The following ROR2 variants were observed in gnomAD, a reference collection of about 807,000 sequenced individuals.
The protein encoded by ROR2 is tyrosine-protein kinase transmembrane receptor ROR2.
Under a neutral mutation model 74.9 loss-of-function variants are expected in ROR2, and 33 were observed. The ratio of observed to expected loss-of-function variants is 0.44; its 90% CI spans 0.33 to 0.59. The LOEUF is 0.59. Among genes scored for constraint, ROR2 ranks in the 20% least tolerant of loss-of-function variants. ROR2 has a pLI of 0.02. For missense variants in ROR2, 1,216 were observed against 1,313.8 expected (o/e 0.93, Z 1.15); for synonymous variants, 586 against 558.7 (o/e 1.05, Z -0.69).
intron 1 of ROR2, among the ~76,000 whole-genome samples, chr9:91,807,846 A>C (rs1286965828): frequency 6.6e-6 from 1 of 152,146 alleles, no homozygotes; most frequent in East Asian, 1.9e-4. Flanking sequence ...AGATCACTGT[A>C]CACTATGACA....
intron 1 of ROR2, among the ~76,000 whole-genome samples, chr9:91,939,969 A>C (rs1283044505): frequency 6.6e-6 from 1 of 152,148 alleles, no homozygotes; most frequent in Non-Finnish European, 1.5e-5. Flanking sequence ...CCCCACATTC[A>C]CCTGCACAAA....
chr9:91,768,808 C>T (rs1266253319), intron 2 of ROR2, among the ~76,000 whole-genome samples: 1 of 152,136 alleles, frequency 6.6e-6, no homozygotes, highest in African/African-American at 2.4e-5. Flanking sequence ...TTTGAAACCT[C>T]CTATTTGTGG....
intron 1 of ROR2, among the ~76,000 whole-genome samples, chr9:91,791,758 C>A (rs901698087): frequency 2.4e-5 from 3 of 125,708 alleles, no homozygotes; most frequent in Admixed American, 1.0e-4. Flanking sequence ...GAACACTCGA[C>A]CCAAGTGCAG....
At chr9:91,755,980 G>C (rs1329046456) in intron 4 of ROR2, 91 bp downstream of exon 4, 5 of 1,416,182 alleles carry the variant, frequency 3.5e-6, no homozygotes, top group African/African-American at 1.4e-5. Context: ...ATTCGGCAAA[G>C]ACATGAGCTG....
intron 1 of ROR2, among the ~76,000 whole-genome samples, chr9:91,826,017 C>T (rs1257611281): frequency 6.6e-6 from 1 of 152,218 alleles, no homozygotes; most frequent in Non-Finnish European, 1.5e-5. Context: ...GGCTTCGCCC[C>T]CCTGCCTGCT....
At chr9:91,811,987 C>A (rs1285153672) in intron 1 of ROR2, among the ~76,000 whole-genome samples, 1 of 150,940 alleles carries the variant, frequency 6.6e-6, no homozygotes, top group African/African-American at 2.4e-5. Flanking sequence ...TTGGGCCACA[C>A]TGGAAGAAGA....
chr9:91,933,389 A>G (rs1188828817), intron 1 of ROR2, among the ~76,000 whole-genome samples: 2 of 152,072 alleles, frequency 1.3e-5, no homozygotes, highest in Non-Finnish European at 2.9e-5. Context: ...AAAAAAAAAA[A>G]TATGTTTACA....
At chr9:91,742,681 T>C (rs1825759280) in intron 4 of ROR2, among the ~76,000 whole-genome samples, 1 of 152,186 alleles carries the variant, frequency 6.6e-6, no homozygotes, top group Non-Finnish European at 1.5e-5. Context: ...CATAACACTG[T>C]AGTGCAATTA....
intron 1 of ROR2, among the ~76,000 whole-genome samples, chr9:91,833,643 C>A (rs1296279230): frequency 6.6e-6 from 1 of 152,202 alleles, no homozygotes; most frequent in Admixed American, 6.5e-5. Context: ...ACCCTGCAGA[C>A]CTGCATGCCC....
At chr9:91,725,678 T>G (rs1837002768) in intron 8 of ROR2, among the ~76,000 whole-genome samples, 1 of 152,170 alleles carries the variant, frequency 6.6e-6, no homozygotes. Flanking sequence ...AGGGTCTCTG[T>G]TAAACATGTT....
intron 1 of ROR2, among the ~76,000 whole-genome samples, chr9:91,906,168 G>A (rs762187136): frequency 6.6e-6 from 1 of 152,136 alleles, no homozygotes; most frequent in Non-Finnish European, 1.5e-5. Context: ...TGCAGAAGGA[G>A]GTGGCAGGGC....
chr9:91,779,368 CTTTTTTTT>C (rs57414414), intron 1 of ROR2, among the ~76,000 whole-genome samples: 1 of 133,694 alleles, frequency 7.5e-6, no homozygotes, highest in Non-Finnish European at 1.6e-5. Flanking sequence ...TTATACTTTT[CTTTTTTTT>C]TTTTTTTTTT....
At chr9:91,856,917 G>A (rs1290256209) in intron 1 of ROR2, among the ~76,000 whole-genome samples, 1 of 152,176 alleles carries the variant, frequency 6.6e-6, no homozygotes, top group South Asian at 2.1e-4. Flanking sequence ...CACAATGGAC[G>A]AGGAACAAAT....
chr9:91,771,376 T>G (rs565105211), intron 2 of ROR2, among the ~76,000 whole-genome samples: 1 of 152,360 alleles, frequency 6.6e-6, no homozygotes, highest in East Asian at 1.9e-4. Context: ...CATGTGCATT[T>G]AAAACACAGT....
At chr9:91,908,751 T>A (rs889062504) in intron 1 of ROR2, among the ~76,000 whole-genome samples, 4 of 152,206 alleles carry the variant, frequency 2.6e-5, no homozygotes, top group Admixed American at 2.0e-4. Context: ...CCACTGAGAT[T>A]TTAAACATTC....
intron 2 of ROR2, among the ~76,000 whole-genome samples, chr9:91,766,211 C>G (rs1826053615): frequency 6.6e-6 from 1 of 152,212 alleles, no homozygotes; most frequent in South Asian, 2.1e-4. Context: ...TTGGTGAGCT[C>G]ATGTTACAAC....
At chr9:91,868,977 G>A (rs551922086) in intron 1 of ROR2, among the ~76,000 whole-genome samples, 55 of 152,300 alleles carry the variant, frequency 3.6e-4, no homozygotes, top group Non-Finnish European at 7.2e-4. Context: ...ATACACTTAT[G>A]TCACCAGTAA....
At position 91,906,078 on chromosome 9, in the gene ROR2, G is replaced by GT. The variant is rs561270291; in HGVS notation, c.97+43788dup. ...GGCATAATAAAGTTAAACTCAGAGGGTTTTTAAACCACACCAAAACCCTGA... is the reference window on the plus strand; with the variant it reads ...GGCATAATAAAGTTAAACTCAGAGGGTTTTTTAAACCACACCAAAACCCTGA... On this transcript the variant is annotated intron_variant, in intron 1 of 8. Transcript: ENST00000375708. Among the ~76,000 whole-genome samples, 1,243 of 152,108 alleles carry GT rather than the reference G, an allele frequency of 8.2e-3. 20 individuals are homozygous for GT. Among genetic ancestry groups the GT allele is most frequent in the African/African-American group, 0.028 (1,158 of 41,486 alleles).
At chr9:91,860,806 C>T (rs563383334) in intron 1 of ROR2, among the ~76,000 whole-genome samples, 302 of 152,314 alleles carry the variant, frequency 2.0e-3, no homozygotes, top group African/African-American at 7.0e-3. Context: ...CCAACTCCCA[C>T]GCCAGTCTCC....
Sources: allele counts gnomAD v4.1 joint callset (sites outside exome capture counted in the v4.1 genomes callset), GRCh38; gene constraint gnomAD v4.1.1; transcripts MANE v1.5; gene names NCBI Gene and HGNC (gene_info 2026-07-23, HGNC 2026-07-21).